ARFGEF3: variants seen among roughly 807,000 people sequenced by gnomAD.
ARFGEF3 encodes the protein ARFGEF family member 3, also known as brefeldin A-inhibited guanine nucleotide-exchange protein 3.
A neutral mutation model predicts 221.7 loss-of-function variants in ARFGEF3; 96 were observed. That is an observed-to-expected ratio of 0.43 (90% CI 0.37 to 0.51). ARFGEF3 has a LOEUF of 0.51. ARFGEF3 is among the 20% of genes least tolerant of loss of function. The pLI is 0.00. For synonymous variants in ARFGEF3, 1,145 were observed against 1,126.8 expected (o/e 1.02, Z -0.32); for missense variants, 2,410 against 2,789.9 (o/e 0.86, Z 3.07).
intron 24 of ARFGEF3, among the ~76,000 whole-genome samples, chr6:138,309,938 A>C (rs1476514216): frequency 6.6e-6 from 1 of 152,116 alleles, no homozygotes; most frequent in African/African-American, 2.4e-5. Flanking sequence ...TCCAGAACCA[A>C]CCTCACAGAC....
intron 26 of ARFGEF3, among the ~76,000 whole-genome samples, chr6:138,316,666 C>A (rs1779930818): frequency 6.6e-6 from 1 of 151,438 alleles, no homozygotes; most frequent in Non-Finnish European, 1.5e-5. Flanking sequence ...ACACCACTAT[C>A]ACACCCAAAA....
Position 138,174,469 on chromosome 6 carries a change from T to TAAAAAAAAAAAAAAAAAAA in ARFGEF3, c.137+3776_137+3794dup, listed in dbSNP as rs35236693. Among the ~76,000 whole-genome samples, 2 of 25,280 alleles carry TAAAAAAAAAAAAAAAAAAA rather than the reference T, an allele frequency of 7.9e-5. 1 individual carries two copies. The highest frequency in any genetic ancestry group is 2.8e-4 in the African/African-American group (2 of 7,228). The allele number at this position is 25,280 out of a possible 152,430, so 16.6% of individuals were successfully genotyped here. ...GGCATCCTTCTATTTGAGCATCTGC[T>TAAAAAAAAAAAAAAAAAAA]AAAAAAAAAAAAAAAAAAAAAAAAA... On this transcript the variant is annotated intron_variant, in intron 2 of 33. Transcript: ENST00000251691.
chr6:138,298,276 C>T (rs543454806), intron 21 of ARFGEF3, among the ~76,000 whole-genome samples: 69 of 152,244 alleles, frequency 4.5e-4, no homozygotes, highest in Non-Finnish European at 8.4e-4. Flanking sequence ...AAACTGTGAG[C>T]CATTCCTAGA....
chr6:138,279,307 C>A (rs1049796644), intron 13 of ARFGEF3, among the ~76,000 whole-genome samples: 7 of 152,208 alleles, frequency 4.6e-5, no homozygotes, highest in Non-Finnish European at 1.0e-4. Flanking sequence ...CATGAGCCAC[C>A]AGGCCTGGCT....
At chr6:138,215,301 A>G (rs1310499993) in intron 4 of ARFGEF3, among the ~76,000 whole-genome samples, 1 of 152,186 alleles carries the variant, frequency 6.6e-6, no homozygotes, top group Non-Finnish European at 1.5e-5. Flanking sequence ...AGATGTGGGC[A>G]TCCTATCTGG....
chr6:138,185,932 A>G (rs77551560), intron 2 of ARFGEF3, among the ~76,000 whole-genome samples: 2,404 of 152,310 alleles, frequency 0.016, 34 homozygotes, highest in Middle Eastern at 0.058. Flanking sequence ...TACAACAAGT[A>G]CAATAGGTAC....
intron 14 of ARFGEF3, among the ~76,000 whole-genome samples, chr6:138,285,319 T>C (rs1562379270): frequency 6.6e-6 from 1 of 151,916 alleles, no homozygotes; most frequent in Non-Finnish European, 1.5e-5. Context: ...GGCATGGTGG[T>C]GGGCACCTGT....
intron 2 of ARFGEF3, among the ~76,000 whole-genome samples, chr6:138,178,123 G>A (rs1776991906): frequency 6.6e-6 from 1 of 152,050 alleles, no homozygotes; most frequent in African/African-American, 2.4e-5. Flanking sequence ...TTGGGCAGGG[G>A]GACTTTTTCT....
intron 22 of ARFGEF3, 62 bp downstream of exon 22, chr6:138,298,847 G>A (rs750405658): frequency 1.6e-6 from 2 of 1,280,664 alleles, no homozygotes; most frequent in Non-Finnish European, 1.1e-6. Context: ...GGCAGGCACG[G>A]TTCTATGAGC....
At chr6:138,239,653 A>G (rs905310039) in intron 6 of ARFGEF3, among the ~76,000 whole-genome samples, 40 of 126,578 alleles carry the variant, frequency 3.2e-4, no homozygotes, top group African/African-American at 1.0e-3. Context: ...CTGTCTCAGG[A>G]AAAAAAAAAA....
At chr6:138,330,727 A>C (rs1247253882) in intron 32 of ARFGEF3, among the ~76,000 whole-genome samples, 2 of 112,512 alleles carry the variant, frequency 1.8e-5, no homozygotes, top group African/African-American at 1.2e-4. Flanking sequence ...TTAATATAAC[A>C]ATCAATCATT....
At chr6:138,322,199 G>C (rs1482585798) in intron 29 of ARFGEF3, among the ~76,000 whole-genome samples, 1 of 152,188 alleles carries the variant, frequency 6.6e-6, no homozygotes, top group Non-Finnish European at 1.5e-5. Flanking sequence ...CTGCCTGACT[G>C]TTTGAGCTGG....
intron 12 of ARFGEF3, among the ~76,000 whole-genome samples, chr6:138,268,370 G>A (rs1324567534): frequency 2.0e-5 from 3 of 151,994 alleles, no homozygotes; most frequent in East Asian, 1.9e-4. Context: ...TGTCATAAAC[G>A]TCCATCAAGC....
At chr6:138,177,191 G>A (rs113012974) in intron 2 of ARFGEF3, among the ~76,000 whole-genome samples, 7 of 151,808 alleles carry the variant, frequency 4.6e-5, no homozygotes, top group African/African-American at 1.7e-4. Flanking sequence ...CCAGATTCAA[G>A]CAATCCTCCC....
In ARFGEF3 at chr6:138,337,497, G is replaced by A. The variant is rs1321768804; in HGVS notation, c.*1011G>A. 6.6e-6 allele frequency: 1 copy of A among 152,620 alleles called. No homozygotes were observed. The allele number at this position is 152,620 out of a possible 1,614,324, so 9.5% of individuals were successfully genotyped here. A position where few individuals can be genotyped will look rare whatever the true frequency, so the allele number is the denominator to read the frequency against. On this transcript the variant is annotated 3_prime_UTR_variant, in exon 34 of 34. Transcript: ENST00000251691. Reference sequence around the variant, plus strand: ...AGGGACTCAGGGAAGGGAGCAGGGAGTGTGGGGTGGGGATGGATTATGATG... The same window carrying A: ...AGGGACTCAGGGAAGGGAGCAGGGAATGTGGGGTGGGGATGGATTATGATG...
intron 6 of ARFGEF3, 119 bp downstream of exon 6, chr6:138,238,750 G>C: frequency 1.1e-6 from 1 of 886,476 alleles, no homozygotes; most frequent in Admixed American, 2.3e-5. Flanking sequence ...GAGCTTGCTT[G>C]TTTTAACAGA....
At chr6:138,296,769 A>G in intron 20 of ARFGEF3, 41 bp from the exon 21 acceptor site, 1 of 1,603,294 alleles carries the variant, frequency 6.2e-7, no homozygotes, top group Non-Finnish European at 8.5e-7. Context: ...ACTATGTCTG[A>G]GTTTTGGCTT....
intron 17 of ARFGEF3, among the ~76,000 whole-genome samples, chr6:138,288,461 A>G (rs570278512): frequency 6.6e-6 from 1 of 152,188 alleles, no homozygotes; most frequent in South Asian, 2.1e-4. Context: ...AGGTGGGCGG[A>G]TCATTTGAGG....
intron 4 of ARFGEF3, among the ~76,000 whole-genome samples, chr6:138,213,210 T>C (rs1315900357): frequency 6.8e-5 from 10 of 147,532 alleles, no homozygotes; most frequent in Non-Finnish European, 1.2e-4. Flanking sequence ...ATGGCATGAA[T>C]CCGGGAGGCA....
Sources: gnomAD v4.1 joint callset for allele counts (sites outside exome capture counted in the v4.1 genomes callset) on GRCh38, gnomAD v4.1.1 for gene constraint, MANE v1.5 for transcripts, NCBI Gene and HGNC (gene_info 2026-07-23, HGNC 2026-07-21) for gene names.